LACTBL1: variants seen among roughly 807,000 people sequenced by gnomAD.
The protein encoded by LACTBL1 is lactamase beta like 1.
A neutral mutation model predicts 39.6 loss-of-function variants in LACTBL1; 29 were observed. The ratio of observed to expected loss-of-function variants is 0.73; its 90% CI spans 0.55 to 1.00. The LOEUF (loss-of-function observed/expected upper bound fraction) is 1.00. Ranked by LOEUF, LACTBL1 falls within the 50% of genes least tolerant of loss-of-function variation. LACTBL1 has a pLI of 0.00. For synonymous variants in LACTBL1, 361 were observed against 360.7 expected (o/e 1.00, Z -0.01); for missense variants, 711 against 748.5 (o/e 0.95, Z 0.59).
At chr1:22,966,704 C>A (rs992687588), upstream of LACTBL1, among the ~76,000 whole-genome samples, 1 of 152,318 alleles carries the variant, frequency 6.6e-6, no homozygotes, top group Non-Finnish European at 1.5e-5. Context: ...CAACTGCCTT[C>A]CGAGCATTTC....
At chr1:22,959,942 C>CTGTACA (rs780613617) in exon 3 of LACTBL1, 1 of 1,551,210 alleles carries the variant, frequency 6.4e-7, no homozygotes, top group Middle Eastern at 1.7e-4. Context: ...CCCAGCTGAC[C>CTGTACA]TGTACATGGT....
At position 22,960,130 on chromosome 1, in the gene LACTBL1, G is replaced by A. The variant is rs1557771201; in HGVS notation, c.160-31C>T. 3.2e-6 allele frequency: 5 copies of A among 1,548,822 alleles called. No homozygotes were observed. In the South Asian group the frequency reaches 6.0e-5, roughly 18 times the overall value. On this transcript the variant is annotated intron_variant, in intron 2 of 5. Coordinates refer to ENST00000426928, the Ensembl canonical transcript of LACTBL1. ...GGGAAAAGAACGGGTGCAGTGACAG[G>A]CCCCCCTGCCCTCACCCTCAGTAAT...
upstream of LACTBL1, among the ~76,000 whole-genome samples, chr1:22,970,013 C>T (rs1178364671): frequency 6.6e-6 from 1 of 152,212 alleles, no homozygotes; most frequent in Non-Finnish European, 1.5e-5. Context: ...TCAGTTGTAA[C>T]TCTGGACAAG....
exon 1 of LACTBL1, chr1:22,965,336 C>G: frequency 7.7e-7 from 1 of 1,307,146 alleles, no homozygotes; most frequent in Non-Finnish European, 9.8e-7. Context: ...AGCAGCCAGT[C>G]ATGACCACTG....
intron 4 of LACTBL1, among the ~76,000 whole-genome samples, chr1:22,955,793 T>TGGCTCACCTGTACA (rs1553181197): frequency 6.6e-6 from 1 of 152,204 alleles, no homozygotes; most frequent in Non-Finnish European, 1.5e-5. Flanking sequence ...CCGGGCGCGG[T>TGGCTCACCTGTACA]GGCTCACACC....
At chr1:22,968,293 C>T (rs531057458), upstream of LACTBL1, among the ~76,000 whole-genome samples, 152 of 152,230 alleles carry the variant, frequency 1.0e-3, no homozygotes, top group Non-Finnish European at 1.7e-3. Context: ...ATTTCACAGT[C>T]CAGTTGGGAA....
chr1:22,972,213 A>T, the LACTBL1 span: 2 of 650,720 alleles, frequency 3.1e-6, no homozygotes, highest in African/African-American at 2.0e-5. Flanking sequence ...GGGGGGATTT[A>T]GCCCAATATT....
At chr1:22,960,481 G>A (rs1039275575) in intron 2 of LACTBL1, among the ~76,000 whole-genome samples, 1 of 152,038 alleles carries the variant, frequency 6.6e-6, no homozygotes, top group African/African-American at 2.4e-5. Context: ...GCTGGGCATG[G>A]TGGCGGGCGC....
the LACTBL1 span, among the ~76,000 whole-genome samples, chr1:22,971,296 G>A: frequency 3.3e-5 from 5 of 151,962 alleles, no homozygotes; most frequent in East Asian, 1.9e-4. Flanking sequence ...GCCTCATCTC[G>A]TCTGTCTCCA....
chr1:22,969,169 G>A (rs1187095246), upstream of LACTBL1, among the ~76,000 whole-genome samples: 1 of 152,216 alleles, frequency 6.6e-6, no homozygotes, highest in African/African-American at 2.4e-5. Flanking sequence ...TTTGCATTGT[G>A]TATATGGTGC....
chr1:22,957,916 T>C (rs1640778454), intron 4 of LACTBL1, among the ~76,000 whole-genome samples: 1 of 152,154 alleles, frequency 6.6e-6, no homozygotes, highest in African/African-American at 2.4e-5. Context: ...CCTTCCAAAG[T>C]GCTGGGATTA....
chr1:22,959,068 T>C, intron 3 of LACTBL1, 148 bp from the exon 6 acceptor site: 1 of 611,384 alleles, frequency 1.6e-6, no homozygotes, highest in Non-Finnish European at 2.9e-6. Context: ...TTAACCAGCC[T>C]CTGTGGAGCT....
At chr1:22,968,696 TAGCTC>T (rs1640908330), upstream of LACTBL1, among the ~76,000 whole-genome samples, 2 of 152,246 alleles carry the variant, frequency 1.3e-5, no homozygotes, top group African/African-American at 2.4e-5. Context: ...TTTGCAATCT[TAGCTC>T]AGCCACTTAC....
chr1:22,956,598 C>T (rs1428537305), intron 4 of LACTBL1, among the ~76,000 whole-genome samples: 1 of 152,080 alleles, frequency 6.6e-6, no homozygotes, highest in African/African-American at 2.4e-5. Context: ...CCTGTCTTCA[C>T]CCCCTTACCT....
the LACTBL1 span, chr1:22,972,193 A>T: frequency 2.5e-4 from 55 of 223,384 alleles, no homozygotes; most frequent in South Asian, 9.9e-4. Flanking sequence ...ATGATGATGA[A>T]GGTAACGTGG....
intron 3 of LACTBL1, among the ~76,000 whole-genome samples, chr1:22,959,718 T>C (rs1346556221): frequency 6.6e-6 from 1 of 152,170 alleles, no homozygotes; most frequent in Non-Finnish European, 1.5e-5. Flanking sequence ...CCAGAAGGGA[T>C]TCCTTCCTGA....
chr1:22,969,101 G>A (rs2124244642), upstream of LACTBL1, among the ~76,000 whole-genome samples: 1 of 152,282 alleles, frequency 6.6e-6, no homozygotes, highest in East Asian at 1.9e-4. Flanking sequence ...TTTTTGAATA[G>A]GAGGGCTTTT....
chr1:22,959,986 G>C, exon 3 of LACTBL1: 2 of 1,551,148 alleles, frequency 1.3e-6, no homozygotes, highest in Non-Finnish European at 1.7e-6. Context: ...CCGGGTCTGA[G>C]CCATTCTTCT....
At chr1:22,967,005 G>T (rs1640886566), upstream of LACTBL1, among the ~76,000 whole-genome samples, 1 of 152,218 alleles carries the variant, frequency 6.6e-6, no homozygotes, top group Non-Finnish European at 1.5e-5. Context: ...AGGCCAAGAT[G>T]GGAGGATCAC....
Sources: allele counts gnomAD v4.1 joint callset (sites outside exome capture counted in the v4.1 genomes callset), GRCh38; gene constraint gnomAD v4.1.1; transcripts MANE v1.5; gene names NCBI Gene and HGNC (gene_info 2026-07-23, HGNC 2026-07-21).